The following ARAP2 variants were observed in gnomAD, a reference collection of about 807,000 sequenced individuals.
ARAP2 encodes the protein arf-GAP with Rho-GAP domain, ANK repeat and PH domain-containing protein 2.
A neutral mutation model predicts 194.5 loss-of-function variants in ARAP2; 148 were observed. The observed-to-expected ratio is 0.76, with a 90% confidence interval of 0.67 to 0.87. The LOEUF (loss-of-function observed/expected upper bound fraction) is 0.87, where lower values mean the gene tolerates loss of function less well. Among genes scored for constraint, ARAP2 ranks in the 40% least tolerant of loss-of-function variants. The probability of loss-of-function intolerance (pLI) is 0.00; values close to 1 mark genes in which losing one functional copy is unlikely to be tolerated. For synonymous variants in ARAP2, 695 were observed against 683.5 expected (o/e 1.02, Z -0.26); for missense variants, 2,128 against 1,989.7 (o/e 1.07, Z -1.32).
intron 5 of ARAP2, among the ~76,000 whole-genome samples, chr4:36,020,623 T>G (rs556935894): frequency 1.1e-4 from 16 of 152,330 alleles, no homozygotes; most frequent in African/African-American, 3.1e-4. Context: ...AGTTATGATT[T>G]GTTTATTTCT....
chr4:36,231,085 CCAGCACTTTGGGAGGCCAAGGCT>C (rs1471611194), intron 1 of ARAP2, among the ~76,000 whole-genome samples: 5 of 152,140 alleles, frequency 3.3e-5, no homozygotes, highest in Admixed American at 2.0e-4. Flanking sequence ...GCCTGTAATC[CCAGCACTTTGGGAGGCCAAGGCT>C]GGCAGATTAT....
intron 24 of ARAP2, among the ~76,000 whole-genome samples, chr4:36,119,394 C>A (rs549221068): frequency 5.3e-5 from 8 of 151,420 alleles, no homozygotes; most frequent in Non-Finnish European, 1.2e-4. Context: ...TGGTTTTATA[C>A]ACAAAAGTTG....
intron 19 of ARAP2, among the ~76,000 whole-genome samples, chr4:36,136,983 A>G (rs1342454639): frequency 2.0e-5 from 3 of 151,730 alleles, no homozygotes; most frequent in Non-Finnish European, 2.9e-5. Context: ...TGTAAAATCA[A>G]TGATGTGTCA....
intron 2 of ARAP2, among the ~76,000 whole-genome samples, chr4:36,224,175 A>C (rs1749756169): frequency 6.6e-6 from 1 of 151,388 alleles, no homozygotes; most frequent in Non-Finnish European, 1.5e-5. Flanking sequence ...AAATAAAAAA[A>C]GAAACAACAA....
chr4:36,187,398 ATAT>A, intron 8 of ARAP2, 50 bp downstream of exon 8: 1 of 1,031,180 alleles, frequency 9.7e-7, no homozygotes, highest in Non-Finnish European at 1.3e-6. Context: ...TGGTTTATTA[ATAT>A]GATTAGTCAG....
intron 10 of ARAP2, chr4:36,006,346 ATT>A (rs1171822759): frequency 6.6e-6 from 1 of 152,212 alleles, no homozygotes; most frequent in Non-Finnish European, 1.5e-5. Flanking sequence ...TTCTTATTGT[ATT>A]ATACATTATC....
At chr4:36,058,866 T>C (rs1165722113) in intron 1 of ARAP2, among the ~76,000 whole-genome samples, 1 of 152,036 alleles carries the variant, frequency 6.6e-6, no homozygotes, top group East Asian at 1.9e-4. Flanking sequence ...AGTAAGAAGA[T>C]AAAGGGGATA....
chr4:36,202,845 G>A (rs949877828), intron 6 of ARAP2, among the ~76,000 whole-genome samples: 19 of 152,152 alleles, frequency 1.2e-4, no homozygotes, highest in Non-Finnish European at 1.5e-5. Flanking sequence ...CAGAGAAGTC[G>A]AGGACAGTAA....
At chr4:36,161,593 T>C in intron 11 of ARAP2, 43 bp from the exon 12 acceptor site, 3 of 1,501,308 alleles carry the variant, frequency 2.0e-6, no homozygotes, top group Non-Finnish European at 2.8e-6. Context: ...AATTTGTATG[T>C]AAATTTATTT....
intron 6 of ARAP2, among the ~76,000 whole-genome samples, chr4:36,206,951 T>G (rs1745662221): frequency 6.6e-6 from 1 of 152,246 alleles, no homozygotes; most frequent in Non-Finnish European, 1.5e-5. Flanking sequence ...ACAGTGCAGT[T>G]TTTATAAAGA....
At chr4:36,240,626 G>C (rs190884975) in intron 1 of ARAP2, among the ~76,000 whole-genome samples, 1 of 152,250 alleles carries the variant, frequency 6.6e-6, no homozygotes, top group East Asian at 1.9e-4. Flanking sequence ...TGAAATGAGC[G>C]CATATGCATT....
At chr4:36,157,797 T>TTATATA (rs139585079) in intron 15 of ARAP2, among the ~76,000 whole-genome samples, 2 of 150,930 alleles carry the variant, frequency 1.3e-5, no homozygotes, top group African/African-American at 4.9e-5. Context: ...TTAGGATATA[T>TTATATA]TATATATATA....
At chr4:36,160,168 A>T (rs1430927026) in intron 13 of ARAP2, 7 of 1,042,260 alleles carry the variant, frequency 6.7e-6, no homozygotes, top group Non-Finnish European at 8.0e-6. Flanking sequence ...CCCACATTAT[A>T]TCAGTCCTCA....
downstream of ARAP2, among the ~76,000 whole-genome samples, chr4:36,061,379 C>T (rs1724415444): frequency 6.6e-6 from 1 of 152,204 alleles, no homozygotes; most frequent in Admixed American, 6.5e-5. Flanking sequence ...CAGCCTCTGG[C>T]TGCCATCCTT....
At chr4:36,164,234 G>C (rs1734772426) in intron 11 of ARAP2, among the ~76,000 whole-genome samples, 9 of 152,202 alleles carry the variant, frequency 5.9e-5, no homozygotes, top group Admixed American at 5.2e-4. Flanking sequence ...TGGGGGAGAA[G>C]GTGGTGGGAC....
chr4:36,179,809 T>C (rs1025201601), intron 8 of ARAP2, among the ~76,000 whole-genome samples: 1 of 152,222 alleles, frequency 6.6e-6, no homozygotes, highest in African/African-American at 2.4e-5. Flanking sequence ...ATATTCAAAC[T>C]TGAATCCAAA....
intron 26 of ARAP2, among the ~76,000 whole-genome samples, chr4:36,108,287 A>G (rs994336716): frequency 1.3e-5 from 2 of 152,022 alleles, no homozygotes; most frequent in Admixed American, 1.3e-4. Context: ...AAGGACTAAC[A>G]AACTTAATAT....
chr4:36,148,550 G>C, intron 16 of ARAP2, 43 bp from the exon 17 acceptor site: 2 of 1,411,402 alleles, frequency 1.4e-6, no homozygotes, highest in Non-Finnish European at 2.0e-6. Flanking sequence ...GTTATATTTA[G>C]CTCTTAAGAA....
intron 11 of ARAP2, 129 bp downstream of exon 11, chr4:36,164,785 A>T: frequency 2.3e-6 from 2 of 880,684 alleles, no homozygotes; most frequent in Non-Finnish European, 1.7e-6. Context: ...AATTTGATTT[A>T]AATGTAATAA....
Sources: gnomAD v4.1 joint callset for allele counts (sites outside exome capture counted in the v4.1 genomes callset) on GRCh38, gnomAD v4.1.1 for gene constraint, MANE v1.5 for transcripts, NCBI Gene and HGNC (gene_info 2026-07-23, HGNC 2026-07-21) for gene names.